The following SPATA6 variants were observed in gnomAD, a reference collection of about 807,000 sequenced individuals.
The protein encoded by SPATA6 is spermatogenesis associated 6, also known as spermatogenesis-associated protein 6.
In SPATA6, 56 loss-of-function variants were observed where a neutral mutation model predicts 65.3. That is an observed-to-expected ratio of 0.86 (90% CI 0.69 to 1.07). The LOEUF (loss-of-function observed/expected upper bound fraction) is 1.07, where lower values mean the gene tolerates loss of function less well. Ranked by LOEUF, SPATA6 falls within the 50% of genes least tolerant of loss-of-function variation. The probability of loss-of-function intolerance (pLI) is 0.00; values close to 1 mark genes in which losing one functional copy is unlikely to be tolerated. For synonymous variants in SPATA6, 199 were observed against 213.2 expected (o/e 0.93, Z 0.58); for missense variants, 590 against 594.8 (o/e 0.99, Z 0.08).
At chr1:48,325,500 A>T in intron 11 of SPATA6, 2 of 1,231,544 alleles carry the variant, frequency 1.6e-6, no homozygotes, top group Non-Finnish European at 2.4e-6. Context: ...TGAGTTGATG[A>T]TCTCATCATC....
intron 9 of SPATA6, among the ~76,000 whole-genome samples, chr1:48,381,648 C>CTTTTGTTTT (rs1553160390): frequency 4.4e-4 from 49 of 112,368 alleles, no homozygotes; most frequent in Admixed American, 1.5e-3. Flanking sequence ...TATGGTTTTT[C>CTTTTGTTTT]TTTTTTTTTT....
At chr1:48,347,311 C>T (rs1171639051) in intron 11 of SPATA6, among the ~76,000 whole-genome samples, 1 of 151,268 alleles carries the variant, frequency 6.6e-6, no homozygotes, top group Non-Finnish European at 1.5e-5. Context: ...AAAAGTAACT[C>T]AAGAAGAATT....
chr1:48,278,838 A>C, the SPATA6 span, among the ~76,000 whole-genome samples: 3 of 152,300 alleles, frequency 2.0e-5, no homozygotes, highest in South Asian at 6.2e-4. Context: ...AAACGCCACA[A>C]AGATACTCCT....
chr1:48,404,666 C>T (rs1320742389), intron 5 of SPATA6, among the ~76,000 whole-genome samples: 1 of 151,770 alleles, frequency 6.6e-6, no homozygotes, highest in Non-Finnish European at 1.5e-5. Context: ...TTAAAAAAAA[C>T]AAAACAAAAA....
chr1:48,320,167 T>C (rs1645559994), intron 11 of SPATA6, among the ~76,000 whole-genome samples: 2 of 151,656 alleles, frequency 1.3e-5, no homozygotes, highest in Non-Finnish European at 2.9e-5. Flanking sequence ...AAAGAGGAGG[T>C]AGAAAAAGAG....
the SPATA6 span, among the ~76,000 whole-genome samples, chr1:48,268,314 G>GTGTGTGTGTGTGTGTGTGTT: frequency 1.3e-5 from 2 of 151,286 alleles, no homozygotes; most frequent in African/African-American, 4.9e-5. Flanking sequence ...ATGTGTGTGT[G>GTGTGTGTGTGTGTGTGTGTT]TGTGTGTGTG....
the SPATA6 span, among the ~76,000 whole-genome samples, chr1:48,270,565 T>G: frequency 1.3e-5 from 2 of 152,090 alleles, no homozygotes; most frequent in African/African-American, 4.8e-5. Context: ...TCTGTAAAAC[T>G]GAGATTACAC....
intron 9 of SPATA6, among the ~76,000 whole-genome samples, chr1:48,367,829 T>C (rs371872497): frequency 1.3e-5 from 2 of 152,204 alleles, no homozygotes; most frequent in Non-Finnish European, 2.9e-5. Flanking sequence ...GTGAATTTGA[T>C]CCTGTCATCT....
intron 11 of SPATA6, among the ~76,000 whole-genome samples, chr1:48,353,329 A>C (rs1373191472): frequency 6.6e-6 from 1 of 151,948 alleles, no homozygotes; most frequent in Non-Finnish European, 1.5e-5. Flanking sequence ...AAAATAGTTA[A>C]AAAGAACCAC....
chr1:48,382,874 CCT>C (rs1648904801), intron 9 of SPATA6, among the ~76,000 whole-genome samples: 1 of 145,760 alleles, frequency 6.9e-6, no homozygotes, highest in African/African-American at 2.5e-5. Flanking sequence ...CCCCCTCCCC[CCT>C]CCCGGACGGG....
chr1:48,351,609 T>C (rs751548742), intron 11 of SPATA6, among the ~76,000 whole-genome samples: 1 of 152,240 alleles, frequency 6.6e-6, no homozygotes, highest in Middle Eastern at 3.4e-3. Context: ...AAATTTATAC[T>C]GCATTTCTGC....
intron 11 of SPATA6, among the ~76,000 whole-genome samples, chr1:48,315,204 C>T (rs560079828): frequency 2.6e-5 from 4 of 152,292 alleles, no homozygotes; most frequent in South Asian, 2.1e-4. Context: ...AGGCGAGCAT[C>T]ATCCTGATAC....
downstream of SPATA6, among the ~76,000 whole-genome samples, chr1:48,290,725 C>G (rs1182520543): frequency 6.6e-6 from 1 of 152,052 alleles, no homozygotes; most frequent in Non-Finnish European, 1.5e-5. Context: ...GACTTTAAAC[C>G]AACAAAGATC....
At chr1:48,344,990 A>G (rs1646323578) in intron 11 of SPATA6, among the ~76,000 whole-genome samples, 1 of 152,174 alleles carries the variant, frequency 6.6e-6, no homozygotes, top group Non-Finnish European at 1.5e-5. Context: ...AAAGATATTC[A>G]GGACCTGAAC....
chr1:48,459,839 A>C (rs1657294841), intron 1 of SPATA6, among the ~76,000 whole-genome samples: 1 of 152,234 alleles, frequency 6.6e-6, no homozygotes, highest in South Asian at 2.1e-4. Context: ...AAATACCTAA[A>C]TATTTGGAAA....
chr1:48,343,068 A>G (rs1646264613), intron 11 of SPATA6, among the ~76,000 whole-genome samples: 1 of 152,120 alleles, frequency 6.6e-6, no homozygotes, highest in Non-Finnish European at 1.5e-5. Context: ...TCAAAATAAC[A>G]AAAAAATGCT....
At chr1:48,438,963 T>G (rs966824901) in intron 3 of SPATA6, among the ~76,000 whole-genome samples, 1 of 152,146 alleles carries the variant, frequency 6.6e-6, no homozygotes, top group African/African-American at 2.4e-5. Flanking sequence ...AACTAGGCTA[T>G]GGGGAGCCTC....
intron 11 of SPATA6, among the ~76,000 whole-genome samples, chr1:48,317,195 T>G (rs973409653): frequency 1.3e-5 from 2 of 152,214 alleles, no homozygotes; most frequent in African/African-American, 4.8e-5. Context: ...CCCAAAGGAT[T>G]ATAAATCATG....
At chr1:48,312,902 A>G (rs1338192706) in intron 11 of SPATA6, among the ~76,000 whole-genome samples, 1 of 152,240 alleles carries the variant, frequency 6.6e-6, no homozygotes, top group African/African-American at 2.4e-5. Flanking sequence ...TGACGAATGC[A>G]CAAGCCTCAG....
Sources: allele counts gnomAD v4.1 joint callset (sites outside exome capture counted in the v4.1 genomes callset), GRCh38; gene constraint gnomAD v4.1.1; transcripts MANE v1.5; gene names NCBI Gene and HGNC (gene_info 2026-07-23, HGNC 2026-07-21).